Variants in PLEC observed in about 807,000 individuals in gnomAD.
PLEC encodes plectin.
A neutral mutation model predicts 392.8 loss-of-function variants in PLEC; 216 were observed. That is an observed-to-expected ratio of 0.55 (90% CI 0.49 to 0.62). The LOEUF (loss-of-function observed/expected upper bound fraction) is 0.62, where lower values mean the gene tolerates loss of function less well. Ranked by LOEUF, PLEC falls within the 20% of genes least tolerant of loss-of-function variation. The pLI is 0.00. For synonymous variants in PLEC, 3,621 were observed against 2,980.6 expected (o/e 1.21, Z -7.00); for missense variants, 6,863 against 6,563.4 (o/e 1.05, Z -1.58).
chr8:143,968,199 A>C (rs574569065), intron 1 of PLEC, among the ~76,000 whole-genome samples: 6 of 152,294 alleles, frequency 3.9e-5, no homozygotes, highest in African/African-American at 1.4e-4. Flanking sequence ...GGATTAGACA[A>C]TGGCTTCTTA....
rs782738148 is a variant in PLEC, at chr8:143,938,718, T to G, written c.113-26A>C. ...CTGGGGGAGACAAGACCAGCTTACC[T>G]GGGGCCTGGGAGAAGCCCCGGGGGC... On this transcript the variant is annotated intron_variant, in intron 1 of 31. Transcript: ENST00000345136. 9 of 1,609,960 alleles carry G rather than the reference T, an allele frequency of 5.6e-6. No homozygotes were observed. In the South Asian group the frequency reaches 9.9e-5, roughly 18 times the overall value.
In PLEC at chr8:143,923,679, C is replaced by T. The variant is rs1554693665; in HGVS notation, c.6250G>A (p.Glu2084Lys). Residue 2084 changes from glutamate to lysine, a missense_variant, in exon 31 of 32, where the codon GAG becomes AAG. Glu to Lys is a moderately conservative substitution (Grantham distance 56). Coordinates refer to ENST00000345136, the MANE Select transcript of PLEC (RefSeq NM_201384.3). ...TCCTCAGCCGCCCGCCGGGCCGCCTCCGCCTCGCCGCGCAGCTGGTCCAGC... is the reference window on the plus strand; with the variant it reads ...TCCTCAGCCGCCCGCCGGGCCGCCTTCGCCTCGCCGCGCAGCTGGTCCAGC... ...SVLDQLRGEA[E>K]AARRAAEEAE... is the part of the protein sequence containing the mutation. The T allele has an allele frequency of 6.5e-7, 1 of 1,549,280 alleles. No homozygotes were observed.
At chr8:143,942,101 G>C (rs1340114063), upstream of PLEC, among the ~76,000 whole-genome samples, 1 of 151,910 alleles carries the variant, frequency 6.6e-6, no homozygotes, top group African/African-American at 2.4e-5. Flanking sequence ...CCCGTGTCCT[G>C]GAAACCCAGG....
rs1554712590 is a variant in PLEC, at chr8:143,930,006, A to G, written c.2669T>C (p.Met890Thr). Residue 890 changes from methionine to threonine, a missense_variant, in exon 22 of 32, where the codon ATG becomes ACG. Physicochemically the swap from Met to Thr is moderately conservative, Grantham distance 81. Transcript: ENST00000345136. Reference sequence around the variant, plus strand: ...GCTCTGCCAGGCCAGAAGGCTCTTCATGTCCACGTGCAACTGGTGCCACAG... The same window carrying G: ...GCTCTGCCAGGCCAGAAGGCTCTTCGTGTCCACGTGCAACTGGTGCCACAG... The part of the protein sequence containing the change: ...VTLWHQLHVD[M>T]KSLLAWQSLR... 7.4e-6 allele frequency: 12 copies of G among 1,612,254 alleles called. No individual in the cohort carries two copies. The highest frequency in any genetic ancestry group is 6.7e-5 in the East Asian group (3 of 44,864).
chr8:143,917,419 G>A lies in PLEC; in HGVS notation c.12402C>T (p.Ser4134=), dbSNP rs782025289. 3.7e-6 allele frequency: 6 copies of A among 1,612,942 alleles called. No individual in the cohort carries two copies. The Admixed American group carries it at 8.3e-5, about 22-fold the overall frequency. Reference sequence around the variant, plus strand: ...TGACCACTCGGCGCTTGCGCACGGAGGACTTGGAGGACGTCTTCCGCTCCC... The same window carrying A: ...TGACCACTCGGCGCTTGCGCACGGAAGACTTGGAGGACGTCTTCCGCTCCC... ...KKRERKTSSK[S]SVRKRRVVIV... is the part of the protein sequence containing the mutation. Residue 4134 remains serine (S), a synonymous_variant, in exon 32 of 32, where the codon TCC becomes TCT. Coordinates refer to ENST00000345136, the MANE Select transcript of PLEC (RefSeq NM_201384.3).
Position 143,921,533 on chromosome 8 carries a change from A to G in PLEC, c.8288T>C (p.Leu2763Pro). 1 of 1,612,824 alleles carries G rather than the reference A, an allele frequency of 6.2e-7. No individual in the cohort carries two copies. The highest frequency in any genetic ancestry group is 8.5e-7 in the Non-Finnish European group (1 of 1,179,726). Residue 2763 changes from leucine to proline, a missense_variant, in exon 32 of 32, where the codon CTG becomes CCG. Coordinates refer to ENST00000345136, the MANE Select transcript of PLEC (RefSeq NM_201384.3). ...CTCGGCCGACAGCAGCTTGTGGTGC[A>G]GCTCGGGGCCCACCACACCCTCCTT... ...AVKEGVVGPE[L>P]HHKLLSAERA...
rs1250684603 is a variant in PLEC, at chr8:143,929,210, C to T, written c.3153G>A (p.Leu1051=). 2.5e-6 allele frequency: 4 copies of T among 1,602,960 alleles called. No homozygotes were observed. Among genetic ancestry groups the T allele is most frequent in the South Asian group, 2.2e-5 (2 of 89,994 alleles). Residue 1051 remains leucine (L), a synonymous_variant, in exon 25 of 32, where the codon TTG becomes TTA. Coordinates refer to ENST00000345136, the MANE Select transcript of PLEC (RefSeq NM_201384.3). ...CCGCAGGCGATGGCTCTGGTAGGGC[C>T]AAGACCTTCTCGGCCTCGGCAGAGA... ...ARLSAEAEKV[L]ALPEPSPAAP...
intron 19 of PLEC, 74 bp from the exon 20 acceptor site, chr8:143,930,610 G>A (rs1343458958): frequency 1.2e-5 from 18 of 1,499,970 alleles, no homozygotes; most frequent in South Asian, 3.6e-5. Flanking sequence ...CCCAGACCCC[G>A]GGACCAGGCC....
rs1554688999 is a variant in PLEC, at chr8:143,922,236, G to A, written c.7585C>T (p.Gln2529Ter). Reference protein sequence around the residue: ...LFQDEVAKAQQLREEQQRQQQ... With the variant: ...LFQDEVAKAQ ...TGCCGCTGCTGCTCCTCACGCAGCTGCTGTGCCTTGGCCACCTCGTCCTGG... is the reference window on the plus strand; with the variant it reads ...TGCCGCTGCTGCTCCTCACGCAGCTACTGTGCCTTGGCCACCTCGTCCTGG... Residue 2529 changes from glutamine to a stop codon, truncating the protein, a stop_gained, in exon 32 of 32, where the codon CAG becomes TAG. Transcript: ENST00000345136. LOFTEE classifies it low-confidence loss of function (END_TRUNC). 1 of 1,584,522 alleles carries A rather than the reference G, an allele frequency of 6.3e-7. No individual in the cohort carries two copies. The highest frequency in any genetic ancestry group is 8.6e-7 in the Non-Finnish European group (1 of 1,168,126).
Position 143,917,245 on chromosome 8 carries a change from G to T in PLEC, c.12576C>A (p.Ser4192=). The T allele has an allele frequency of 6.2e-7, 1 of 1,612,620 alleles. No homozygotes were observed. The highest frequency in any genetic ancestry group is 8.5e-7 in the Non-Finnish European group (1 of 1,179,748). The change falls in exon 32 of 32, where the codon TCC becomes TCA. Residue 4192 remains serine (S), a synonymous_variant. Transcript: ENST00000345136. Reference sequence around the variant, plus strand: ...GCCCGGAGCGGCGGTCGATGATCATGGACTTGACCACGCCGTCCGAGGAGG... The same window carrying T: ...GCCCGGAGCGGCGGTCGATGATCATTGACTTGACCACGCCGTCCGAGGAGG... ...TISSSDGVVK[S]MIIDRRSGRQ...
upstream of PLEC, among the ~76,000 whole-genome samples, chr8:143,976,483 G>C (rs1054076227): frequency 6.6e-6 from 1 of 152,236 alleles, no homozygotes; most frequent in Admixed American, 6.5e-5. Flanking sequence ...GGTCAGCCGC[G>C]CCTCCCCAGC....
At chr8:143,958,743 T>C, upstream of PLEC, 1 of 405,042 alleles carries the variant, frequency 2.5e-6, no homozygotes, top group Non-Finnish European at 5.2e-6. The surrounding 1 kb of genome is among the most constrained non-coding windows in gnomAD (Gnocchi z 4.9). Flanking sequence ...TGGAGAGGCT[T>C]CTCACCTGAT....
chr8:143,967,148 G>C (rs377706610), intron 1 of PLEC, among the ~76,000 whole-genome samples: 2 of 151,972 alleles, frequency 1.3e-5, no homozygotes, highest in African/African-American at 4.8e-5. Context: ...CAGATCACGA[G>C]GTCAGGAGAT....
Position 143,919,143 on chromosome 8 carries a change from C to CAGTGTACACCTGCGT in PLEC, c.10663_10677dup (p.Thr3555_Thr3559dup), listed in dbSNP as rs1821621019. On this transcript the variant is annotated inframe_insertion, in exon 32 of 32. Coordinates refer to ENST00000345136, the MANE Select transcript of PLEC (RefSeq NM_201384.3). ...TCAAATGCCCTTCTTGTCTCCTCCT[C>CAGTGTACACCTGCGT]AGTGTACACCTGCGTGGTCTCCACC... 1 of 1,613,388 alleles carries CAGTGTACACCTGCGT rather than the reference C, an allele frequency of 6.2e-7. No individual in the cohort carries two copies. The highest frequency in any genetic ancestry group is 1.3e-5 in the African/African-American group (1 of 74,928).
At chr8:143,937,554 G>A (rs1348772899) in intron 3 of PLEC, 5 of 499,746 alleles carry the variant, frequency 1.0e-5, no homozygotes. Context: ...GCCTGGCGGT[G>A]GCAGCCACAG....
rs782192702 is a variant in PLEC, at chr8:143,919,151, A to G, written c.10670T>C (p.Val3557Ala). 3.1e-6 allele frequency: 5 copies of G among 1,612,996 alleles called. No individual in the cohort carries two copies. Among genetic ancestry groups the G allele is most frequent in the Middle Eastern group, 3.3e-4 (2 of 6,062 alleles). The change falls in exon 32 of 32, where the codon GTG (valine) becomes GCG (alanine). Residue 3557 changes from valine (V) to alanine (A), a missense_variant. Physicochemically the swap from Val to Ala is moderately conservative, Grantham distance 64 (BLOSUM62 0). Coordinates refer to ENST00000345136, the MANE Select transcript of PLEC (RefSeq NM_201384.3). Reference sequence around the variant, plus strand: ...CCTTCTTGTCTCCTCCTCAGTGTACACCTGCGTGGTCTCCACCACCTCAGC... The same window carrying G: ...CCTTCTTGTCTCCTCCTCAGTGTACGCCTGCGTGGTCTCCACCACCTCAGC... Reference protein sequence around the residue: ...EKAEVVETTQVYTEEETRRAF... With the variant: ...EKAEVVETTQAYTEEETRRAF...
chr8:143,968,620 A>T (rs1241824161), intron 1 of PLEC, among the ~76,000 whole-genome samples: 1 of 152,100 alleles, frequency 6.6e-6, no homozygotes. Context: ...CTGATAAAGG[A>T]CTGGCATCTA....
upstream of PLEC, among the ~76,000 whole-genome samples, chr8:143,955,432 G>T (rs1251569267): frequency 2.0e-5 from 3 of 152,224 alleles, no homozygotes; most frequent in Non-Finnish European, 2.9e-5. Context: ...AGTGAGCCGA[G>T]ATCGCGCCAC....
In PLEC at chr8:143,921,735, T is replaced by C. The variant is rs1412079625; in HGVS notation, c.8086A>G (p.Ser2696Gly). Residue 2696 changes from serine (S) to glycine (G), a missense_variant, in exon 32 of 32, where the codon AGC (serine) becomes GGC (glycine). Coordinates refer to ENST00000345136, the MANE Select transcript of PLEC (RefSeq NM_201384.3). ...TTCAGCAACAGCCCTGCGATACTGC[T>C]GCGGCCCTGCAGGTAGTGGCGCACG... Reference protein sequence around the residue: ...EDVRHYLQGRSSIAGLLLKAT... With the variant: ...EDVRHYLQGRGSIAGLLLKAT... 3 of 1,612,612 alleles carry C rather than the reference T, an allele frequency of 1.9e-6. No individual in the cohort carries two copies. The Admixed American group carries it at 5.0e-5, about 27-fold the overall frequency.
Sources: allele counts gnomAD v4.1 joint callset (sites outside exome capture counted in the v4.1 genomes callset), GRCh38; gene constraint gnomAD v4.1.1; non-coding constraint Gnocchi (gnomAD v3.1); transcripts MANE v1.5; gene names NCBI Gene and HGNC (gene_info 2026-07-23, HGNC 2026-07-21).